PIMREG: variants seen among roughly 807,000 people sequenced by gnomAD.
The protein encoded by PIMREG is PICALM interacting mitotic regulator, also known as protein PIMREG.
PIMREG carries 19 observed loss-of-function variants against 24.3 expected under a neutral mutation model. That is an observed-to-expected ratio of 0.78 (90% CI 0.54 to 1.15). PIMREG has a LOEUF of 1.15. PIMREG is among the 50% of genes most tolerant of loss of function. PIMREG has a pLI of 0.00. For synonymous variants in PIMREG, 112 were observed against 124.1 expected, an observed-to-expected ratio of 0.90 and a Z score of 0.65; for missense variants, 283 against 306.8, an observed-to-expected ratio of 0.92 and a Z score of 0.58.
rs773848161 is a variant in PIMREG, at chr17:6,445,300, C to T, written c.190C>T (p.Arg64Cys). 8 of 1,613,936 alleles carry T rather than the reference C, an allele frequency of 5.0e-6. No individual in the cohort carries two copies. The Admixed American group carries it at 5.0e-5, about 10-fold the overall frequency. Residue 64 changes from arginine (R) to cysteine (C), a missense_variant, in exon 2 of 6, where the codon CGC becomes TGC. Arg to Cys is a radical substitution (Grantham distance 180). Coordinates refer to ENST00000572447, the MANE Select transcript of PIMREG (RefSeq NM_019013.3). ...LPLRAVNLNL[R>C]AGPSWKRLET... ...CCTGAGAGCCGTCAACCTCAACCTC[C>T]GCGCAGGGCCCTCCTGGAAACGCCT...
chr17:6,449,571 A>C (rs1597351877), intron 4 of PIMREG, 164 bp downstream of exon 4: 2 of 1,060,330 alleles, frequency 1.9e-6, no homozygotes, highest in East Asian at 5.4e-5. Context: ...GAAAGGACAA[A>C]ATCCTGGACT....
chr17:6,449,942 G>C (rs940339243), intron 4 of PIMREG, 86 bp from the exon 5 acceptor site: 3 of 1,497,026 alleles, frequency 2.0e-6, no homozygotes, highest in East Asian at 2.3e-5. Flanking sequence ...CCACATTTCC[G>C]GGTCTGATCT....
intron 5 of PIMREG, 124 bp from the exon 6 acceptor site, chr17:6,450,238 G>A: frequency 8.9e-7 from 1 of 1,123,458 alleles, no homozygotes. Flanking sequence ...GTCATTAACA[G>A]CACGCTGGGG....
At chr17:6,446,704 G>T (rs768418321) in intron 2 of PIMREG, among the ~76,000 whole-genome samples, 2 of 152,204 alleles carry the variant, frequency 1.3e-5, no homozygotes, top group African/African-American at 4.8e-5. Flanking sequence ...GGTCAGAACT[G>T]CCCTTTAGAA....
rs1365990827 is a variant in PIMREG at position 6,451,089 on chromosome 17, C to T, written c.*742C>T. The T allele has an allele frequency of 1.3e-5, 2 of 152,210 alleles. No individual in the cohort carries two copies. Among genetic ancestry groups the T allele is most frequent in the African/African-American group, 4.8e-5 (2 of 41,432 alleles). The allele number at this position is 152,210 out of a possible 1,614,324, so 9.4% of individuals were successfully genotyped here. A position where few individuals can be genotyped will look rare whatever the true frequency, so the allele number is the denominator to read the frequency against. On this transcript the variant is annotated 3_prime_UTR_variant, in exon 6 of 6. Transcript: ENST00000572447. ...GACATCTGTTCCCTTTCACCGGCAA[C>T]CTCCAACCTCCCCCGCCCTCCCACA...
intron 3 of PIMREG, among the ~76,000 whole-genome samples, chr17:6,448,492 A>C (rs1408045103): frequency 6.6e-6 from 1 of 152,124 alleles, no homozygotes; most frequent in African/African-American, 2.4e-5. Context: ...TTGAGCTGTA[A>C]TTAAGGCAGG....
chr17:6,446,182 T>C (rs1913564712), intron 2 of PIMREG: 1 of 401,068 alleles, frequency 2.5e-6, no homozygotes, highest in East Asian at 3.6e-5. Flanking sequence ...CGTCCTTATA[T>C]TGGATGTAAG....
chr17:6,447,860 T>A, intron 3 of PIMREG, 102 bp downstream of exon 3: 1 of 1,320,520 alleles, frequency 7.6e-7, no homozygotes, highest in African/African-American at 1.5e-5. Flanking sequence ...TAGGGGTTTC[T>A]TGGCACCCCC....
At chr17:6,449,818 G>C in intron 4 of PIMREG, 1 of 1,422,146 alleles carries the variant, frequency 7.0e-7, no homozygotes, top group East Asian at 2.5e-5. Flanking sequence ...GCAGGGCCTC[G>C]GTTGTGGACC....
intron 5 of PIMREG, 84 bp downstream of exon 5, chr17:6,450,156 G>A: frequency 7.0e-7 from 1 of 1,428,932 alleles, no homozygotes; most frequent in Admixed American, 1.7e-5. Flanking sequence ...AGCCCACAGA[G>A]CTGATGGGCA....
At position 6,450,624 on chromosome 17, in the gene PIMREG, GAAA is replaced by G; in HGVS notation, c.*278_*280del. 1.9e-6 allele frequency: 1 copy of G among 513,888 alleles called. No homozygotes were observed. Among genetic ancestry groups the G allele is most frequent in the South Asian group, 3.4e-5 (1 of 29,524 alleles). The allele number at this position is 513,888 out of a possible 1,614,324, so 31.8% of individuals were successfully genotyped here. A position where few individuals can be genotyped will look rare whatever the true frequency, so the allele number is the denominator to read the frequency against. On this transcript the variant is annotated 3_prime_UTR_variant, in exon 6 of 6. Transcript: ENST00000572447. Reference sequence around the variant, plus strand: ...CTTTCCTAGGGGACTCTTGAGCTTAGAAACTCATCGTACACTTGACCTTGAGCC... The same window carrying G: ...CTTTCCTAGGGGACTCTTGAGCTTAGCTCATCGTACACTTGACCTTGAGCC...
intron 3 of PIMREG, 83 bp downstream of exon 3, chr17:6,447,841 A>G (rs1271712153): frequency 2.1e-6 from 3 of 1,435,264 alleles, no homozygotes; most frequent in East Asian, 2.4e-5. Flanking sequence ...CCAGACACCA[A>G]CTGGGCCCTA....
chr17:6,445,399 TC>T lies in PIMREG; in HGVS notation c.292del (p.Gln98ArgfsTer19), dbSNP rs1567650520. On this transcript the variant is annotated frameshift_variant, in exon 2 of 6. Coordinates refer to ENST00000572447, the MANE Select transcript of PIMREG (RefSeq NM_019013.3). LOFTEE classifies it high-confidence loss of function. ...RSAKSALGAV[S>X]QRIQESCQSG... is the part of the protein sequence containing the mutation. ...AGCTAAGAGTGCTTTGGGTGCCGTG[TC>T]CCAGGTAATACTGACAACACTAATC... is the stretch of plus-strand genomic sequence containing the variant. The T allele has an allele frequency of 6.2e-7, 1 of 1,610,212 alleles. No homozygotes were observed. The highest frequency in any genetic ancestry group is 1.1e-5 in the South Asian group (1 of 90,828).
At chr17:6,449,632 G>T in intron 4 of PIMREG, 3 of 1,296,212 alleles carry the variant, frequency 2.3e-6, no homozygotes, top group Non-Finnish European at 3.0e-6. Context: ...TCTGGGCCTT[G>T]GGACCCCATG....
chr17:6,447,367 C>T lies in PIMREG; in HGVS notation c.295-96C>T, dbSNP rs779105827. ...CTGACCTCAGGTGATCTGCCTGCCT[C>T]GGCCTCCCAAAGTACTGGGATTATA... On this transcript the variant is annotated intron_variant, in intron 2 of 5. Coordinates refer to ENST00000572447, the MANE Select transcript of PIMREG (RefSeq NM_019013.3). The T allele has an allele frequency of 2.5e-5, 34 of 1,341,516 alleles. No homozygotes were observed. The East Asian group carries it at 2.5e-4, about 10-fold the overall frequency. 83.1% of individuals were successfully genotyped at this position (1,341,516 alleles called of 1,614,324 possible).
At chr17:6,449,686 A>C in intron 4 of PIMREG, 1 of 1,381,398 alleles carries the variant, frequency 7.2e-7, no homozygotes. Context: ...GTTCCTGAAA[A>C]ACCTGCCCTT....
At chr17:6,448,576 T>G (rs1032278861) in intron 3 of PIMREG, among the ~76,000 whole-genome samples, 5 of 152,196 alleles carry the variant, frequency 3.3e-5, no homozygotes, top group Non-Finnish European at 5.9e-5. Flanking sequence ...AGGGTCATCC[T>G]GTAAGAAATA....
At chr17:6,447,346 C>T (rs1913617156) in intron 2 of PIMREG, 117 bp from the exon 3 acceptor site, 3 of 1,118,572 alleles carry the variant, frequency 2.7e-6, no homozygotes, top group South Asian at 2.9e-5. Flanking sequence ...AAAATCCTGA[C>T]CTCAGGTGAT....
intron 2 of PIMREG, 118 bp downstream of exon 2, chr17:6,445,522 T>C: frequency 9.1e-7 from 1 of 1,101,586 alleles, no homozygotes; most frequent in Non-Finnish European, 1.3e-6. Context: ...GTTGGTTAGT[T>C]CACTGCTGTT....
Sources: gnomAD v4.1 joint callset for allele counts (sites outside exome capture counted in the v4.1 genomes callset) on GRCh38, gnomAD v4.1.1 for gene constraint, MANE v1.5 for transcripts, NCBI Gene and HGNC (gene_info 2026-07-23, HGNC 2026-07-21) for gene names.